Variants in UBE2S observed in about 807,000 individuals in gnomAD.
UBE2S encodes the protein ubiquitin-conjugating enzyme E2 S.
UBE2S carries 3 observed loss-of-function variants against 12.3 expected under a neutral mutation model. That is an observed-to-expected ratio of 0.24 (90% CI 0.11 to 0.63). The LOEUF (loss-of-function observed/expected upper bound fraction) is 0.63, where lower values mean the gene tolerates loss of function less well. Among genes scored for constraint, UBE2S ranks in the 30% least tolerant of loss-of-function variants. UBE2S has a pLI of 0.85. For missense variants in UBE2S, 211 were observed against 313.9 expected (o/e 0.67, Z 2.48); for synonymous variants, 133 against 142.0 (o/e 0.94, Z 0.45).
In UBE2S at chr19:55,401,358, T is replaced by C; in HGVS notation, c.*78A>G. The C allele has an allele frequency of 3.9e-6, 4 of 1,030,354 alleles. No homozygotes were observed. In the South Asian group the frequency reaches 6.3e-5, roughly 16 times the overall value. The allele number at this position is 1,030,354 out of a possible 1,614,324, so 63.8% of individuals were successfully genotyped here. A position where few individuals can be genotyped will look rare whatever the true frequency, so the allele number is the denominator to read the frequency against. ...GTACCCTCCCCGACCCCAGCCATAA[T>C]TTAAATAACTTAGAGACAGAGTTGG... On this transcript the variant is annotated 3_prime_UTR_variant, in exon 4 of 4. Transcript: ENST00000264552.
In UBE2S at chr19:55,400,470, T is replaced by G. The variant is rs748296319; in HGVS notation, c.*966A>C. On this transcript the variant is annotated 3_prime_UTR_variant, in exon 4 of 4. Transcript: ENST00000264552. ...TAAGACTAAGCTGGGATCTTACCCCTGTGATTTAGTCATTATCACTTAAGT... is the reference window on the plus strand; with the variant it reads ...TAAGACTAAGCTGGGATCTTACCCCGGTGATTTAGTCATTATCACTTAAGT... 2 of 150,732 alleles carry G rather than the reference T, an allele frequency of 1.3e-5. No individual in the cohort carries two copies. Among genetic ancestry groups the G allele is most frequent in the Non-Finnish European group, 2.9e-5 (2 of 68,038 alleles). The allele number at this position is 150,732 out of a possible 1,614,324, so 9.3% of individuals were successfully genotyped here.
Position 55,404,551 on chromosome 19 carries a change from T to C in UBE2S, c.152-73A>G, listed in dbSNP as rs2090084232. ...GGCACCTCAACACCCCAAAGTCCAGTCTCCACGGTCTGATTGTGATGCAGG... is the reference window on the plus strand; with the variant it reads ...GGCACCTCAACACCCCAAAGTCCAGCCTCCACGGTCTGATTGTGATGCAGG... On this transcript the variant is annotated intron_variant, in intron 2 of 3. Transcript: ENST00000264552. The surrounding 1 kb of genome is among the most constrained non-coding windows in gnomAD (Gnocchi z 4.4). 7.4e-7 allele frequency: 1 copy of C among 1,360,190 alleles called. No homozygotes were observed. The highest frequency in any genetic ancestry group is 1.5e-5 in the African/African-American group (1 of 68,394). The allele number at this position is 1,360,190 out of a possible 1,614,324, so 84.3% of individuals were successfully genotyped here. A position where few individuals can be genotyped will look rare whatever the true frequency, so the allele number is the denominator to read the frequency against.
chr19:55,406,846 G>T lies in UBE2S; in HGVS notation c.120C>A (p.Leu40=). The T allele has an allele frequency of 6.2e-7, 1 of 1,613,640 alleles. No individual in the cohort carries two copies. Among genetic ancestry groups the T allele is most frequent in the Non-Finnish European group, 8.5e-7 (1 of 1,179,790 alleles). The change falls in exon 2 of 4, where the codon CTC becomes CTA. Residue 40 remains leucine (L), a synonymous_variant. Transcript: ENST00000264552. ...CCTCGATGGTGACCTGGAGGTCGGT[G>T]AGGTCCTCCTCGTTGGGAAAGACCT... ...GIKVFPNEED[L]TDLQVTIEGP... is the part of the protein sequence containing the mutation.
intron 2 of UBE2S, among the ~76,000 whole-genome samples, chr19:55,405,572 A>C (rs958599562): frequency 2.0e-5 from 3 of 150,920 alleles, no homozygotes; most frequent in Non-Finnish European, 4.4e-5. Flanking sequence ...CCTCCCCCAA[A>C]ACCTCAGAGA....
intron 2 of UBE2S, among the ~76,000 whole-genome samples, chr19:55,405,774 C>A (rs1259881329): frequency 6.6e-6 from 1 of 152,198 alleles, no homozygotes; most frequent in Admixed American, 6.5e-5. Flanking sequence ...TCTGTTAATT[C>A]CACAGCCTCC....
intron 3 of UBE2S, 39 bp from the exon 4 acceptor site, chr19:55,401,801 C>G (rs757212622): frequency 1.2e-6 from 2 of 1,608,116 alleles, no homozygotes; most frequent in Non-Finnish European, 1.7e-6. Flanking sequence ...GGTCGGGCAA[C>G]CTACAGGGAC....
chr19:55,403,156 T>C (rs1204168588), intron 3 of UBE2S: 2 of 717,148 alleles, frequency 2.8e-6, no homozygotes, highest in Admixed American at 2.0e-5. Flanking sequence ...CTCCTGACAA[T>C]GCATAATACC....
At position 55,404,818 on chromosome 19, in the gene UBE2S, G is replaced by A. The variant is rs985525510; in HGVS notation, c.152-340C>T. 6.6e-6 allele frequency among the ~76,000 whole-genome samples: 1 copy of A among 152,070 alleles called. No homozygotes were observed. The highest frequency in any genetic ancestry group is 1.5e-5 in the Non-Finnish European group (1 of 67,996). ...GGGTCTCACTATGTTGCCCAAGCTG[G>A]TCTTGCACTCCTAGGCTCAAGCAAT... On this transcript the variant is annotated intron_variant, in intron 2 of 3. Coordinates refer to ENST00000264552, the MANE Select transcript of UBE2S (RefSeq NM_014501.3). The surrounding 1 kb of genome is among the most constrained non-coding windows in gnomAD (Gnocchi z 4.4).
Position 55,406,912 on chromosome 19 carries a change from C to A in UBE2S, c.54G>T (p.Lys18Asn). ...LPPHIIRLVY[K>N]EVTTLTADPP... ...GGTCTGCGGTCAGTGTCGTCACCTC[C>A]TTGTACACCAGGCGGATGATGTGCG... is the stretch of plus-strand genomic sequence containing the variant. The change falls in exon 2 of 4, where the codon AAG (lysine) becomes AAT (asparagine). Residue 18 changes from lysine to asparagine, a missense_variant. This residue lies in a region of UBE2S where 127 missense variants were observed against 224.0 expected (regional missense o/e 0.57). Coordinates refer to ENST00000264552, the MANE Select transcript of UBE2S (RefSeq NM_014501.3). The A allele has an allele frequency of 6.2e-7, 1 of 1,613,932 alleles. No homozygotes were observed. The highest frequency in any genetic ancestry group is 8.5e-7 in the Non-Finnish European group (1 of 1,179,884).
chr19:55,405,771 A>C (rs1339901390), intron 2 of UBE2S, among the ~76,000 whole-genome samples: 1 of 152,106 alleles, frequency 6.6e-6, no homozygotes, highest in Non-Finnish European at 1.5e-5. Flanking sequence ...CTGTCTGTTA[A>C]TTCCACAGCC....
In UBE2S at chr19:55,401,766, T is replaced by A. The variant is rs770103857; in HGVS notation, c.343-4A>T. Reference sequence around the variant, plus strand: ...GGATCAGCAGGCACTTGATGGTCTGTGGGAAGAGGCTCAGGGTCACAGTGG... The same window carrying A: ...GGATCAGCAGGCACTTGATGGTCTGAGGGAAGAGGCTCAGGGTCACAGTGG... On this transcript the variant is annotated splice_region_variant and splice_polypyrimidine_tract_variant and intron_variant, in intron 3 of 3. Transcript: ENST00000264552. The A allele has an allele frequency of 2.5e-6, 4 of 1,613,030 alleles. No individual in the cohort carries two copies. The Admixed American group carries it at 6.7e-5, about 27-fold the overall frequency.
chr19:55,401,254 G>T lies in UBE2S; in HGVS notation c.*182C>A. The T allele has an allele frequency of 1.4e-6, 1 of 731,454 alleles. No homozygotes were observed. The highest frequency in any genetic ancestry group is 2.7e-5 in the East Asian group (1 of 36,868). The allele number at this position is 731,454 out of a possible 1,614,324, so 45.3% of individuals were successfully genotyped here. On this transcript the variant is annotated 3_prime_UTR_variant, in exon 4 of 4. Transcript: ENST00000264552. The stretch of plus-strand genomic sequence containing the variant: ...CAGAGCCACATGGCACCATGCAGCG[G>T]TCCTGGGGCATCTGTGAGACACAGA...
intron 2 of UBE2S, among the ~76,000 whole-genome samples, chr19:55,405,293 A>C (rs1469307810): frequency 2.6e-5 from 4 of 151,088 alleles, no homozygotes; most frequent in Non-Finnish European, 5.9e-5. Context: ...GCGGATCACA[A>C]GGTCAGGAGT....
At chr19:55,406,739 TC>T (rs1252269499) in intron 2 of UBE2S, 75 bp downstream of exon 2, 1 of 1,524,640 alleles carries the variant, frequency 6.6e-7, no homozygotes, top group Non-Finnish European at 8.8e-7. Context: ...AATGGGTACT[TC>T]CCGCTAGGGT....
intron 1 of UBE2S, among the ~76,000 whole-genome samples, chr19:55,407,368 CG>C (rs1245278748): frequency 4.6e-5 from 7 of 152,260 alleles, no homozygotes; most frequent in Admixed American, 1.3e-4. Flanking sequence ...CACCCATGGG[CG>C]GGCCGCAAAG....
intron 1 of UBE2S, 109 bp from the exon 2 acceptor site, chr19:55,407,071 C>A: frequency 1.4e-6 from 2 of 1,386,078 alleles, no homozygotes; most frequent in South Asian, 2.8e-5. Context: ...CCCAGGCTGT[C>A]AATCACCCTT....
At chr19:55,402,926 ACTTTTTT>A (rs1196333619) in intron 3 of UBE2S, 1 of 1,513,096 alleles carries the variant, frequency 6.6e-7, no homozygotes, top group East Asian at 2.5e-5. Context: ...AATTTGGTTA[ACTTTTTT>A]TTTTTTCAGC....
rs759766193 is a variant in UBE2S, at chr19:55,401,681, C to G, written c.424G>C (p.Glu142Gln). 1.2e-5 allele frequency: 20 copies of G among 1,612,852 alleles called. No individual in the cohort carries two copies. The East Asian group carries it at 1.8e-4, about 14-fold the overall frequency. Residue 142 changes from glutamate (E) to glutamine (Q), a missense_variant, in exon 4 of 4, where the codon GAG becomes CAG. Transcript: ENST00000264552. The stretch of plus-strand genomic sequence containing the variant: ...AGACGGGCCCGAGCCGCATACTCCT[C>G]GTAGTTCTCCAAGAGCAGGCGGCCC... ...EAGRLLLENY[E>Q]EYAARARLLT...
rs1046019999 is a variant in UBE2S at position 55,400,334 on chromosome 19, A to G, written c.*1102T>C. On this transcript the variant is annotated 3_prime_UTR_variant, in exon 4 of 4. Coordinates refer to ENST00000264552, the MANE Select transcript of UBE2S (RefSeq NM_014501.3). Reference sequence around the variant, plus strand: ...GCCTGGCCTATTTTTAATTTTTTTAAAATTAATGAGACATTGGTCTAAATA... The same window carrying G: ...GCCTGGCCTATTTTTAATTTTTTTAGAATTAATGAGACATTGGTCTAAATA... 8 of 152,310 alleles carry G rather than the reference A, an allele frequency of 5.3e-5. No individual in the cohort carries two copies. Among genetic ancestry groups the G allele is most frequent in the African/African-American group, 1.7e-4 (7 of 41,554 alleles). The allele number at this position is 152,310 out of a possible 1,614,324, so 9.4% of individuals were successfully genotyped here.
Sources: gnomAD v4.1 joint callset for allele counts (sites outside exome capture counted in the v4.1 genomes callset) on GRCh38, gnomAD v4.1.1 for gene constraint, gnomAD v4.1.1 regional missense constraint, Gnocchi (gnomAD v3.1) non-coding constraint, MANE v1.5 for transcripts, NCBI Gene and HGNC (gene_info 2026-07-23, HGNC 2026-07-21) for gene names.